MALRD1: variants seen among roughly 807,000 people sequenced by gnomAD.
MALRD1 encodes the protein MAM and LDL-receptor class A domain-containing protein 1.
Under a neutral mutation model 242.1 loss-of-function variants are expected in MALRD1, and 247 were observed. The ratio of observed to expected loss-of-function variants is 1.02; its 90% CI spans 0.92 to 1.13. MALRD1 has a LOEUF of 1.13. MALRD1 is among the 50% of genes most tolerant of loss of function. The pLI is 0.00. For missense variants in MALRD1, 2,989 were observed against 2,533.1 expected (o/e 1.18, Z -3.86); for synonymous variants, 995 against 866.6 (o/e 1.15, Z -2.60).
At chr10:19,173,209 CAGCCTA>C (rs1345381441) in intron 13 of MALRD1, among the ~76,000 whole-genome samples, 1 of 151,956 alleles carries the variant, frequency 6.6e-6, no homozygotes, top group East Asian at 1.9e-4. Flanking sequence ...TGTATGTTTT[CAGCCTA>C]AGTAATATTA....
At chr10:19,099,036 G>A (rs1836149076) in intron 4 of MALRD1, among the ~76,000 whole-genome samples, 1 of 152,100 alleles carries the variant, frequency 6.6e-6, no homozygotes, top group Non-Finnish European at 1.5e-5. Flanking sequence ...TATGCAAATG[G>A]GTTCTCTAAC....
At chr10:19,684,835 G>A (rs1842513065) in intron 36 of MALRD1, among the ~76,000 whole-genome samples, 1 of 152,064 alleles carries the variant, frequency 6.6e-6, no homozygotes. Flanking sequence ...AATCGAATCT[G>A]GAATATATTC....
intron 19 of MALRD1, among the ~76,000 whole-genome samples, chr10:19,274,389 G>A (rs1463555964): frequency 6.6e-6 from 1 of 152,168 alleles, no homozygotes; most frequent in Non-Finnish European, 1.5e-5. Flanking sequence ...AACCCCCAAC[G>A]TGATGGTATT....
At chr10:19,216,548 A>T (rs899235867) in intron 18 of MALRD1, among the ~76,000 whole-genome samples, 14 of 151,866 alleles carry the variant, frequency 9.2e-5, no homozygotes, top group African/African-American at 3.1e-4. Context: ...TGAACCTCAG[A>T]TGTTATCATA....
intron 29 of MALRD1, among the ~76,000 whole-genome samples, chr10:19,478,447 TATTA>T (rs1476785689): frequency 6.6e-6 from 1 of 152,082 alleles, no homozygotes; most frequent in African/African-American, 2.4e-5. Flanking sequence ...AATTAGAAAA[TATTA>T]ATTAAGACTA....
At chr10:19,413,804 A>G (rs1833382712) in intron 28 of MALRD1, among the ~76,000 whole-genome samples, 1 of 151,976 alleles carries the variant, frequency 6.6e-6, no homozygotes, top group Non-Finnish European at 1.5e-5. Flanking sequence ...CAATATGGTG[A>G]AACACCATCT....
chr10:19,383,577 GAATT>G (rs919522479), intron 26 of MALRD1, among the ~76,000 whole-genome samples: 2 of 151,964 alleles, frequency 1.3e-5, no homozygotes, highest in African/African-American at 4.8e-5. Flanking sequence ...TAATGAATAT[GAATT>G]GAGAGTTACT....
chr10:19,596,586 C>T (rs1013166556), intron 34 of MALRD1, among the ~76,000 whole-genome samples: 1 of 151,694 alleles, frequency 6.6e-6, no homozygotes, highest in African/African-American at 2.4e-5. Context: ...ATAGTAATAA[C>T]CAGGTGTGGT....
intron 1 of MALRD1, among the ~76,000 whole-genome samples, chr10:19,065,790 T>C (rs1273214069): frequency 6.6e-6 from 1 of 152,160 alleles, no homozygotes; most frequent in Non-Finnish European, 1.5e-5. Context: ...TTTATTGTGA[T>C]TGAAAACACT....
At chr10:19,204,832 T>A in intron 16 of MALRD1, 66 bp from the exon 17 acceptor site, 3 of 1,427,904 alleles carry the variant, frequency 2.1e-6, no homozygotes, top group Non-Finnish European at 2.8e-6. Flanking sequence ...AGTAGAAAAA[T>A]CTAAAGGTTA....
At chr10:19,237,896 AAAT>A (rs1418196277) in intron 18 of MALRD1, among the ~76,000 whole-genome samples, 1 of 60,432 alleles carries the variant, frequency 1.7e-5, no homozygotes. Flanking sequence ...TATACATTAT[AAAT>A]AATTTTATAT....
At chr10:19,413,348 G>A (rs1170383451) in intron 28 of MALRD1, among the ~76,000 whole-genome samples, 1 of 152,022 alleles carries the variant, frequency 6.6e-6, no homozygotes, top group Non-Finnish European at 1.5e-5. Flanking sequence ...GATATTGGTA[G>A]ATTTATGTTC....
Position 19,203,890 on chromosome 10 carries a change from AAAC to A in MALRD1, c.2104+12_2104+14del. 1 of 1,550,474 alleles carries A rather than the reference AAAC, an allele frequency of 6.4e-7. No individual in the cohort carries two copies. The highest frequency in any genetic ancestry group is 2.4e-5 in the East Asian group (1 of 40,912). On this transcript the variant is annotated intron_variant, in intron 15 of 39. Coordinates refer to ENST00000454679, the MANE Select transcript of MALRD1 (RefSeq NM_001142308.3). ...CTCAACGCATCTCAAGGTAAGAAGC[AAAC>A]AGGGACTCTACAACCACTGCTATTT...
chr10:19,621,371 TA>T (rs1839394272), intron 36 of MALRD1, among the ~76,000 whole-genome samples: 1 of 60,654 alleles, frequency 1.6e-5, no homozygotes, highest in South Asian at 4.5e-4. Flanking sequence ...AAAAAAAAAG[TA>T]AGAATCAATT....
At chr10:19,073,618 T>A (rs1161055416) in intron 2 of MALRD1, among the ~76,000 whole-genome samples, 2 of 152,168 alleles carry the variant, frequency 1.3e-5, no homozygotes, top group African/African-American at 2.4e-5. Context: ...ATAAGGTGTA[T>A]ATGAAACATA....
chr10:19,550,938 A>G (rs1407547675), intron 32 of MALRD1, among the ~76,000 whole-genome samples: 3 of 152,070 alleles, frequency 2.0e-5, no homozygotes, highest in African/African-American at 4.8e-5. Flanking sequence ...CTTCCACAAT[A>G]TAAGTGTTCC....
chr10:19,227,466 A>T (rs1027765288), intron 18 of MALRD1, among the ~76,000 whole-genome samples: 1 of 152,096 alleles, frequency 6.6e-6, no homozygotes, highest in Admixed American at 6.6e-5. Context: ...ATATCCTCAA[A>T]TTAACTCAAC....
chr10:19,151,974 C>T (rs6481763), intron 11 of MALRD1, among the ~76,000 whole-genome samples: 51,675 of 151,872 alleles, frequency 0.34, 9,191 homozygotes, highest in Admixed American at 0.39. Flanking sequence ...TCCTAAGACA[C>T]GTAAGGTGTT....
chr10:19,414,047 C>T (rs575530020), intron 28 of MALRD1, among the ~76,000 whole-genome samples: 1 of 138,272 alleles, frequency 7.2e-6, no homozygotes, highest in Non-Finnish European at 1.6e-5. Context: ...TTCCAAAAAA[C>T]AAAAAAAAAA....
Sources: allele counts gnomAD v4.1 joint callset (sites outside exome capture counted in the v4.1 genomes callset), GRCh38; gene constraint gnomAD v4.1.1; transcripts MANE v1.5; gene names NCBI Gene and HGNC (gene_info 2026-07-23, HGNC 2026-07-21).